CC2D1B: variants seen among roughly 807,000 people sequenced by gnomAD.
CC2D1B encodes coiled-coil and C2 domain containing 1B, also known as coiled-coil and C2 domain-containing protein 1B.
In CC2D1B, 92 loss-of-function variants were observed where a neutral mutation model predicts 110.8. That is an observed-to-expected ratio of 0.83 (90% confidence interval 0.70 to 0.99). CC2D1B has a LOEUF of 0.99. Ranked by LOEUF, CC2D1B falls within the 50% of genes least tolerant of loss-of-function variation. CC2D1B has a pLI of 0.00. For synonymous variants in CC2D1B, 406 were observed against 429.2 expected (o/e 0.95, Z 0.67); for missense variants, 1,136 against 1,089.0 (o/e 1.04, Z -0.61).
intron 2 of CC2D1B, among the ~76,000 whole-genome samples, chr1:52,363,171 G>C (rs1442075681): frequency 6.6e-6 from 1 of 151,898 alleles, no homozygotes; most frequent in Non-Finnish European, 1.5e-5. Flanking sequence ...GAGGCGGGTG[G>C]ATCACGAGGT....
In CC2D1B at chr1:52,359,600, AC is replaced by A; in HGVS notation, c.943-67del. 7 of 1,578,902 alleles carry A rather than the reference AC, an allele frequency of 4.4e-6. No individual in the cohort carries two copies. In the South Asian group the frequency reaches 8.0e-5, roughly 18 times the overall value. The stretch of plus-strand genomic sequence containing the variant: ...GACCCCAAGAGCCTGGGCTGAAACA[AC>A]CCCCACTTAGGCCAATCTCACTCAA... On this transcript the variant is annotated intron_variant, in intron 8 of 24. Transcript: ENST00000284376.
At chr1:52,355,697 G>A (rs1372270807) in intron 19 of CC2D1B, 31 bp from the exon 20 acceptor site, 1 of 1,614,070 alleles carries the variant, frequency 6.2e-7, no homozygotes, top group East Asian at 2.2e-5. Context: ...TCAAGTCAGA[G>A]GGAGTGGCCA....
Position 52,358,329 on chromosome 1 carries a change from A to G in CC2D1B, c.1461+2T>C. 6.2e-7 allele frequency: 1 copy of G among 1,613,056 alleles called. No individual in the cohort carries two copies. Among genetic ancestry groups the G allele is most frequent in the South Asian group, 1.1e-5 (1 of 90,924 alleles). On this transcript the variant is annotated splice_donor_variant, in intron 13 of 24. Transcript: ENST00000284376. LOFTEE classifies it high-confidence loss of function. The stretch of plus-strand genomic sequence containing the variant: ...GCCCTGGAGTTGAGCCCTCAACCAA[A>G]CCTCGTCCTCGTCTTTATCAGCCGG...
chr1:52,355,057 C>G, intron 21 of CC2D1B, 118 bp from the exon 22 acceptor site: 1 of 813,898 alleles, frequency 1.2e-6, no homozygotes, highest in Non-Finnish European at 2.1e-6. Flanking sequence ...TTTTGGGGTA[C>G]TGCCTCCAAA....
At chr1:52,364,661 C>T (rs767015847) in intron 1 of CC2D1B, 27 bp from the exon 2 acceptor site, 4 of 1,514,390 alleles carry the variant, frequency 2.6e-6, no homozygotes, top group East Asian at 2.3e-5. Context: ...GAGATTCAGG[C>T]TGGAGTAGCC....
In CC2D1B at chr1:52,360,133, T is replaced by C. The variant is rs1553142421; in HGVS notation, c.704A>G (p.Gln235Arg). ...CTCAGGGCTCCTGTTGGCTGGTTCC[T>C]GGGGGGCCAGGGGCCGCTTTCCTAA... ...VALGKRPLAP[Q>R]EPANRSPETD... Residue 235 changes from glutamine to arginine, a missense_variant, in exon 7 of 25, where the codon CAG (glutamine) becomes CGG (arginine). By Grantham distance (43) the Gln-to-Arg change is conservative. Transcript: ENST00000284376. 2.5e-6 allele frequency: 4 copies of C among 1,609,922 alleles called. No homozygotes were observed. Among genetic ancestry groups the C allele is most frequent in the South Asian group, 1.1e-5 (1 of 90,508 alleles).
At position 52,358,451 on chromosome 1, in the gene CC2D1B, G is replaced by T; in HGVS notation, c.1341C>A (p.Pro447=). ...AELPVPPGFP[P]IPGLESTMGV... ...CCATAGTGGACTCCAGGCCAGGGAT[G>T]GGGGGAAATCCTGTGGGAGAGAGAC... Residue 447 remains proline, a synonymous_variant, in exon 13 of 25, where the codon CCC becomes CCA. Coordinates refer to ENST00000284376, the MANE Select transcript of CC2D1B (RefSeq NM_001330585.2). 6 of 1,613,674 alleles carry T rather than the reference G, an allele frequency of 3.7e-6. No individual in the cohort carries two copies. Among genetic ancestry groups the T allele is most frequent in the Non-Finnish European group, 4.2e-6 (5 of 1,179,974 alleles).
In CC2D1B at chr1:52,360,734, G is replaced by T. The variant is rs1327784445; in HGVS notation, c.478-185C>A. On this transcript the variant is annotated intron_variant, in intron 5 of 24. Coordinates refer to ENST00000284376, the MANE Select transcript of CC2D1B (RefSeq NM_001330585.2). ...AGAGGCCATGGCAGAGGCAAATACA[G>T]AGCCCCACTTGGTGGAAGCCAGGAT... The T allele has an allele frequency of 3.0e-6, 3 of 990,358 alleles. No homozygotes were observed. In the African/African-American group the frequency reaches 4.9e-5, roughly 16 times the overall value. The allele number at this position is 990,358 out of a possible 1,614,324, so 61.3% of individuals were successfully genotyped here. A position where few individuals can be genotyped will look rare whatever the true frequency, so the allele number is the denominator to read the frequency against.
chr1:52,360,998 C>T lies in CC2D1B; in HGVS notation c.453G>A (p.Leu151=). The T allele has an allele frequency of 1.2e-6, 2 of 1,614,148 alleles. No homozygotes were observed. The highest frequency in any genetic ancestry group is 1.7e-6 in the Non-Finnish European group (2 of 1,180,020). The stretch of plus-strand genomic sequence containing the variant: ...CCTGAGCTGCTGGGGCTGAAGCTGT[C>T]AGGACGGCTGTCTGCACTGGAGGTT... ...DTEPPVQTAV[L]TASAPAAQAG... is the part of the protein sequence containing the mutation. Residue 151 remains leucine (L), a synonymous_variant, in exon 5 of 25, where the codon CTG becomes CTA. Transcript: ENST00000284376.
intron 8 of CC2D1B, 82 bp from the exon 9 acceptor site, chr1:52,359,616 A>G (rs929391792): frequency 5.1e-6 from 8 of 1,557,758 alleles, no homozygotes; most frequent in Non-Finnish European, 4.4e-6. Context: ...ACTTAGGCCA[A>G]TCTCACTCAA....
In CC2D1B at chr1:52,353,078, G is replaced by A. The variant is rs545212678; in HGVS notation, c.*147C>T. On this transcript the variant is annotated 3_prime_UTR_variant, in exon 25 of 25. Transcript: ENST00000284376. ...GCCAACAACAGGAAAGACCAGAGTC[G>A]TGGTCAGTAGTGCACATGCTTAACA... 5 of 764,116 alleles carry A rather than the reference G, an allele frequency of 6.5e-6. No homozygotes were observed. Among genetic ancestry groups the A allele is most frequent in the Non-Finnish European group, 9.9e-6 (5 of 503,760 alleles). 47.3% of individuals were successfully genotyped at this position (764,116 alleles called of 1,614,324 possible). A position where few individuals can be genotyped will look rare whatever the true frequency, so the allele number is the denominator to read the frequency against.
intron 8 of CC2D1B, 78 bp from the exon 9 acceptor site, chr1:52,359,612 G>A: frequency 6.4e-7 from 1 of 1,568,560 alleles, no homozygotes; most frequent in Non-Finnish European, 8.7e-7. Flanking sequence ...CCCCACTTAG[G>A]CCAATCTCAC....
At chr1:52,365,276 A>G (rs545389594) in intron 1 of CC2D1B, among the ~76,000 whole-genome samples, 19 of 152,362 alleles carry the variant, frequency 1.2e-4, no homozygotes, top group African/African-American at 4.6e-4. Context: ...TCAGCCTTCA[A>G]TGACCATTTA....
In CC2D1B at chr1:52,357,871, C is replaced by A; in HGVS notation, c.1489G>T (p.Ala497Ser). 1 of 1,579,514 alleles carries A rather than the reference C, an allele frequency of 6.3e-7. No homozygotes were observed. The highest frequency in any genetic ancestry group is 8.6e-7 in the Non-Finnish European group (1 of 1,165,608). Residue 497 changes from alanine to serine, a missense_variant, in exon 14 of 25, where the codon GCC (alanine) becomes TCC (serine). Physicochemically the swap from Ala to Ser is moderately conservative, Grantham distance 99. Transcript: ENST00000284376. ...ACTGTGGGCCGTGCAGGTTTCTTGG[C>A]CACTGGGGCCTGTGCTGGGGGCTCA... is the stretch of plus-strand genomic sequence containing the variant. ...EGEPPAQAPV[A>S]KKPARPTVPS...
At chr1:52,358,959 C>T in intron 11 of CC2D1B, 68 bp downstream of exon 11, 1 of 1,583,442 alleles carries the variant, frequency 6.3e-7, no homozygotes, top group Non-Finnish European at 8.6e-7. Flanking sequence ...GCCGGAGGAC[C>T]AGGGAGACAG....
rs917421159 is a variant in CC2D1B at position 52,353,094 on chromosome 1, A to G, written c.*131T>C. On this transcript the variant is annotated 3_prime_UTR_variant, in exon 25 of 25. Transcript: ENST00000284376. ...ACCAGAGTCGTGGTCAGTAGTGCACATGCTTAACAGGTCTTTGGTGCTTGG... is the reference window on the plus strand; with the variant it reads ...ACCAGAGTCGTGGTCAGTAGTGCACGTGCTTAACAGGTCTTTGGTGCTTGG... 1 of 937,366 alleles carries G rather than the reference A, an allele frequency of 1.1e-6. No homozygotes were observed. The highest frequency in any genetic ancestry group is 1.5e-6 in the Non-Finnish European group (1 of 655,020). 58.1% of individuals were successfully genotyped at this position (937,366 alleles called of 1,614,324 possible). A position where few individuals can be genotyped will look rare whatever the true frequency, so the allele number is the denominator to read the frequency against.
intron 15 of CC2D1B, 71 bp downstream of exon 15, chr1:52,357,455 C>T: frequency 6.1e-6 from 9 of 1,477,814 alleles, no homozygotes; most frequent in Non-Finnish European, 8.2e-6. Flanking sequence ...TGCCCTTGTT[C>T]ACAGCCTGTC....
intron 6 of CC2D1B, 85 bp from the exon 7 acceptor site, chr1:52,360,318 C>T (rs1337367055): frequency 2.2e-5 from 35 of 1,594,658 alleles, no homozygotes; most frequent in Non-Finnish European, 3.0e-5. Context: ...GGCCCCCCAA[C>T]CCCCAAAGTC....
intron 23 of CC2D1B, 76 bp downstream of exon 23, chr1:52,354,532 A>G (rs180997825): frequency 3.7e-5 from 44 of 1,200,448 alleles, no homozygotes; most frequent in Middle Eastern, 3.8e-4. Flanking sequence ...GAAAACCTAC[A>G]ACAAGGTGTG....
Sources: allele counts gnomAD v4.1 joint callset (sites outside exome capture counted in the v4.1 genomes callset), GRCh38; gene constraint gnomAD v4.1.1; transcripts MANE v1.5; gene names NCBI Gene and HGNC (gene_info 2026-07-23, HGNC 2026-07-21).